The following YAP1 variants were observed in gnomAD, a reference collection of about 807,000 sequenced individuals.
YAP1 encodes transcriptional coactivator YAP1.
In YAP1, 5 loss-of-function variants were observed where a neutral mutation model predicts 56.9. That is an observed-to-expected ratio of 0.09 (90% confidence interval 0.05 to 0.18). The LOEUF is 0.18. Ranked by LOEUF, YAP1 falls within the 10% of genes least tolerant of loss-of-function variation. The pLI, the probability that YAP1 is intolerant of heterozygous loss-of-function variation, is 1.00. For synonymous variants in YAP1, 265 were observed against 248.1 expected, an observed-to-expected ratio of 1.07 and a Z score of -0.64; for missense variants, 539 against 651.8, an observed-to-expected ratio of 0.83 and a Z score of 1.88.
chr11:102,187,411 T>C (rs1387854421), intron 4 of YAP1, among the ~76,000 whole-genome samples: 1 of 152,204 alleles, frequency 6.6e-6, no homozygotes, highest in Non-Finnish European at 1.5e-5. Context: ...CAACTTCAGA[T>C]TCTGTTTACT....
Position 102,233,422 on chromosome 11 carries a change from T to C in YAP1, c.*3482T>C, listed in dbSNP as rs1232236314. On this transcript the variant is annotated 3_prime_UTR_variant, in exon 9 of 9. Coordinates refer to ENST00000282441, the MANE Select transcript of YAP1 (RefSeq NM_001130145.3). ...TCAAATATATTCTTTCCTTAAACTC[T>C]TCTTTGTTGTTTTTAACAATTGATA... 1 of 152,100 alleles carries C rather than the reference T, an allele frequency of 6.6e-6. No individual in the cohort carries two copies. Among genetic ancestry groups the C allele is most frequent in the Non-Finnish European group, 1.5e-5 (1 of 68,026 alleles). The allele number at this position is 152,100 out of a possible 1,614,324, so 9.4% of individuals were successfully genotyped here.
chr11:102,149,936 C>T (rs1376443620), intron 2 of YAP1, among the ~76,000 whole-genome samples: 1 of 145,118 alleles, frequency 6.9e-6, no homozygotes, highest in Admixed American at 7.0e-5. Context: ...CTTTCCACTG[C>T]TCTACTGATA....
At chr11:102,172,807 T>C (rs1336299197) in intron 3 of YAP1, among the ~76,000 whole-genome samples, 1 of 152,134 alleles carries the variant, frequency 6.6e-6, no homozygotes, top group Non-Finnish European at 1.5e-5. Flanking sequence ...GTCTCTGTAA[T>C]TGACGTCTTT....
chr11:102,180,255 TCCTC>T (rs753708348), intron 3 of YAP1, among the ~76,000 whole-genome samples: 1 of 152,060 alleles, frequency 6.6e-6, no homozygotes, highest in Non-Finnish European at 1.5e-5. Context: ...GACCTCATGA[TCCTC>T]CCTCCTTGGC....
At chr11:102,219,312 C>T (rs1420095657) in intron 6 of YAP1, among the ~76,000 whole-genome samples, 1 of 151,988 alleles carries the variant, frequency 6.6e-6, no homozygotes, top group Non-Finnish European at 1.5e-5. Flanking sequence ...TCACTCTGGC[C>T]TTAGGGGGTA....
chr11:102,151,468 T>A (rs1279736578), intron 2 of YAP1, among the ~76,000 whole-genome samples: 1 of 152,236 alleles, frequency 6.6e-6, no homozygotes, highest in Non-Finnish European at 1.5e-5. Flanking sequence ...CACTAGGTTG[T>A]ACCAAGAACC....
chr11:102,129,505 C>G (rs1387156106), intron 2 of YAP1, among the ~76,000 whole-genome samples: 2 of 151,586 alleles, frequency 1.3e-5, no homozygotes, highest in East Asian at 3.9e-4. Context: ...GTAATCCCAG[C>G]TGCTCGGGAG....
chr11:102,147,088 G>A (rs1945363810), intron 2 of YAP1, among the ~76,000 whole-genome samples: 2 of 152,276 alleles, frequency 1.3e-5, no homozygotes, highest in South Asian at 4.1e-4. Context: ...GAGAAAGCTA[G>A]GGTACAGTTC....
chr11:102,175,828 AG>A lies in YAP1; in HGVS notation c.689-10188del, dbSNP rs755630237. Among the ~76,000 whole-genome samples the A allele has an allele frequency of 2.9e-4, 44 of 152,346 alleles. 1 individual carries two copies. Among genetic ancestry groups the A allele is most frequent in the Non-Finnish European group, 5.7e-4 (39 of 68,032 alleles). On this transcript the variant is annotated intron_variant, in intron 3 of 8. Transcript: ENST00000282441. ...GACAGCCACGACATCTCTAGGTGAC[AG>A]GAATTTTTTAGCTCTATTATAAGTT...
intron 3 of YAP1, among the ~76,000 whole-genome samples, chr11:102,166,915 C>A (rs1946645852): frequency 2.6e-5 from 4 of 152,254 alleles, no homozygotes; most frequent in South Asian, 4.1e-4. Flanking sequence ...CTGTTTTCTG[C>A]ATAATTTTCA....
chr11:102,129,895 G>A (rs1330354605), intron 2 of YAP1, among the ~76,000 whole-genome samples: 2 of 143,630 alleles, frequency 1.4e-5, no homozygotes, highest in African/African-American at 2.6e-5. Context: ...CTCCGCCTCC[G>A]CCTCCTGGGT....
chr11:102,162,434 G>A, intron 2 of YAP1, 22 bp from the exon 3 acceptor site: 2 of 1,601,626 alleles, frequency 1.2e-6, no homozygotes, highest in Non-Finnish European at 1.7e-6. Context: ...GTTTCCTAAT[G>A]CAGTGGTTTG....
intron 3 of YAP1, among the ~76,000 whole-genome samples, chr11:102,166,585 G>C (rs1173389558): frequency 6.6e-6 from 1 of 152,150 alleles, no homozygotes; most frequent in African/African-American, 2.4e-5. Flanking sequence ...GCAGAAAATG[G>C]CTTCCGTGAA....
At chr11:102,138,814 T>C (rs1028003176) in intron 2 of YAP1, among the ~76,000 whole-genome samples, 2 of 152,306 alleles carry the variant, frequency 1.3e-5, no homozygotes, top group East Asian at 1.9e-4. Flanking sequence ...TCTATATACA[T>C]AAATATAGAT....
chr11:102,214,061 A>G (rs1389374731), intron 6 of YAP1, among the ~76,000 whole-genome samples: 1 of 152,212 alleles, frequency 6.6e-6, no homozygotes, highest in Non-Finnish European at 1.5e-5. Context: ...TGGGTGACAG[A>G]GTGAGACTCT....
At chr11:102,165,404 TG>T (rs1946543303) in intron 3 of YAP1, among the ~76,000 whole-genome samples, 2 of 152,258 alleles carry the variant, frequency 1.3e-5, no homozygotes, top group South Asian at 2.1e-4. Flanking sequence ...AAATATGAAA[TG>T]TTTTAATATA....
intron 2 of YAP1, among the ~76,000 whole-genome samples, chr11:102,142,430 A>G (rs1253359990): frequency 6.6e-6 from 1 of 152,232 alleles, no homozygotes. Context: ...AAGAAGTTTG[A>G]GATTTTAACT....
rs534130863 is a variant in YAP1, at chr11:102,228,250, C to T, written c.1276+669C>T. On this transcript the variant is annotated intron_variant, in intron 8 of 8. Transcript: ENST00000282441. Reference sequence around the variant, plus strand: ...AATTCAGTGTTTGTCTTCATCTTTTCTCTAAGAGTTTTTGGTCCACCTTAA... The same window carrying T: ...AATTCAGTGTTTGTCTTCATCTTTTTTCTAAGAGTTTTTGGTCCACCTTAA... Among the ~76,000 whole-genome samples the T allele has an allele frequency of 2.0e-5, 3 of 152,150 alleles. No individual in the cohort carries two copies. In the South Asian group the frequency reaches 6.2e-4, roughly 32 times the overall value.
intron 2 of YAP1, among the ~76,000 whole-genome samples, chr11:102,125,177 G>A (rs769159674): frequency 9.3e-5 from 14 of 151,112 alleles, no homozygotes; most frequent in Non-Finnish European, 1.8e-4. Context: ...AGCTGGGACC[G>A]GCTAATTTTT....
Sources: allele counts gnomAD v4.1 joint callset (sites outside exome capture counted in the v4.1 genomes callset), GRCh38; gene constraint gnomAD v4.1.1; transcripts MANE v1.5; gene names NCBI Gene and HGNC (gene_info 2026-07-23, HGNC 2026-07-21).